The following MILR1 variants were observed in gnomAD, a reference collection of about 807,000 sequenced individuals.
MILR1 encodes the protein mast cell immunoglobulin like receptor 1, also known as allergin-1.
In MILR1, 31 loss-of-function variants were observed where a neutral mutation model predicts 18.5. The ratio of observed to expected loss-of-function variants is 1.68; its 90% CI spans 1.26 to 2.26. The LOEUF (loss-of-function observed/expected upper bound fraction) is 2.26. Ranked by LOEUF, MILR1 falls within the 30% of genes most tolerant of loss-of-function variation. The pLI, the probability that MILR1 is intolerant of heterozygous loss-of-function variation, is 0.00. For synonymous variants in MILR1, 85 were observed against 56.2 expected (o/e 1.51, Z -2.30); for missense variants, 257 against 157.4 (o/e 1.63, Z -3.38).
the MILR1 span, chr17:64,496,375 C>T: frequency 7.6e-6 from 11 of 1,441,846 alleles, no homozygotes; most frequent in Non-Finnish European, 1.0e-5. Flanking sequence ...CCACCCGACA[C>T]CTGTTTTGAA....
chr17:64,495,177 CA>C, the MILR1 span, among the ~76,000 whole-genome samples: 29 of 119,288 alleles, frequency 2.4e-4, no homozygotes, highest in Non-Finnish European at 2.3e-4. Context: ...GACTCTGTCT[CA>C]AAAAAAAAAA....
In MILR1 at chr17:64,465,484, C is replaced by T. The variant is rs547973313; in HGVS notation, c.796C>T (p.Arg266Cys). The change falls in exon 6 of 10, where the codon CGT becomes TGT. Residue 266 changes from arginine (R) to cysteine (C), a missense_variant. By Grantham distance (180) the Arg-to-Cys change is radical. Transcript: ENST00000619286. ...KAMRNNVPRD[R>C]GDTAMEVGIY... ...TATGAGAAATAATGTGCCCAGGGACCGTGGAGACACAGCCATGGAAGTTGG... is the reference window on the plus strand; with the variant it reads ...TATGAGAAATAATGTGCCCAGGGACTGTGGAGACACAGCCATGGAAGTTGG... 3.4e-5 allele frequency: 55 copies of T among 1,610,532 alleles called. No individual in the cohort carries two copies. In the South Asian group the frequency reaches 3.6e-4, roughly 10 times the overall value.
chr17:64,480,385 C>A, the MILR1 span: 1 of 1,512,786 alleles, frequency 6.6e-7, no homozygotes, highest in Non-Finnish European at 9.2e-7. Context: ...TAGCCCTTGA[C>A]AAACCTAGAA....
At chr17:64,483,000 C>G in the MILR1 span, 11 of 1,566,422 alleles carry the variant, frequency 7.0e-6, no homozygotes, top group Non-Finnish European at 9.7e-6. Flanking sequence ...GTTTAAGTAC[C>G]TAAGGCAATT....
chr17:64,465,634 A>C (rs375192265), intron 6 of MILR1, 93 bp downstream of exon 6: 4 of 1,322,650 alleles, frequency 3.0e-6, no homozygotes, highest in Non-Finnish European at 3.2e-6. Flanking sequence ...TGGGGGGTGG[A>C]GCAAAAGGGA....
At chr17:64,465,672 T>A (rs1417337994) in intron 6 of MILR1, 131 bp downstream of exon 6, 5 of 853,404 alleles carry the variant, frequency 5.9e-6, no homozygotes, top group Non-Finnish European at 9.1e-6. Context: ...TGATGCCCAG[T>A]CCCACTTTCT....
chr17:64,496,389 T>G, the MILR1 span: 2 of 1,526,160 alleles, frequency 1.3e-6, no homozygotes, highest in South Asian at 2.4e-5. Flanking sequence ...TTTTGAAGCA[T>G]GAAATCGTGA....
chr17:64,466,349 TG>T, intron 6 of MILR1, 92 bp from the exon 7 acceptor site: 2 of 1,036,498 alleles, frequency 1.9e-6, no homozygotes, highest in Non-Finnish European at 3.0e-6. Context: ...CCAGCCTACA[TG>T]GCCACATTCC....
At chr17:64,453,391 C>T (rs939468801) in intron 3 of MILR1, among the ~76,000 whole-genome samples, 12 of 151,912 alleles carry the variant, frequency 7.9e-5, no homozygotes, top group African/African-American at 2.2e-4. Context: ...TTAATCATTC[C>T]GTTTCACCTT....
At chr17:64,467,935 C>CAAAAAAAAAAAAAAAAAA in intron 9 of MILR1, 1 of 153,148 alleles carries the variant, frequency 6.5e-6, no homozygotes, top group South Asian at 5.5e-5. Context: ...GACTTCATCT[C>CAAAAAAAAAAAAAAAAAA]AAAAAAAAAA....
At chr17:64,483,145 C>G in the MILR1 span, 2 of 569,274 alleles carry the variant, frequency 3.5e-6, no homozygotes, top group Non-Finnish European at 3.2e-6. Context: ...CAGAAGTTAG[C>G]TGAGGTCATA....
chr17:64,449,616 T>C (rs1328019522), intron 2 of MILR1, among the ~76,000 whole-genome samples: 1 of 152,156 alleles, frequency 6.6e-6, no homozygotes, highest in Non-Finnish European at 1.5e-5. Flanking sequence ...TATTGTTGTT[T>C]TATGGTTGTT....
the MILR1 span, chr17:64,487,431 T>TTTTTAGTAGA: frequency 6.6e-6 from 1 of 151,960 alleles, no homozygotes; most frequent in Non-Finnish European, 1.5e-5. Flanking sequence ...CTGGCCAACA[T>TTTTTAGTAGA]GGTAAAACCC....
rs781802685 is a variant in MILR1 at position 64,466,673 on chromosome 17, G to C, written c.979+11G>C. 1.1e-5 allele frequency: 18 copies of C among 1,598,244 alleles called. No homozygotes were observed. The highest frequency in any genetic ancestry group is 1.5e-5 in the Non-Finnish European group (18 of 1,172,304). On this transcript the variant is annotated intron_variant, in intron 8 of 9. Coordinates refer to ENST00000619286, the MANE Select transcript of MILR1 (RefSeq NM_001085423.2). The stretch of plus-strand genomic sequence containing the variant: ...CACCAAGAGAGCAAGGTGAGCCACA[G>C]GTTGGGATAAGAGGTACTGGTGAAA...
At chr17:64,454,722 G>A (rs1438576177) in intron 3 of MILR1, among the ~76,000 whole-genome samples, 1 of 152,166 alleles carries the variant, frequency 6.6e-6, no homozygotes, top group Non-Finnish European at 1.5e-5. Context: ...GGCCAGGTGC[G>A]CTGTCTCACA....
chr17:64,451,769 C>T (rs1003996927), intron 2 of MILR1, among the ~76,000 whole-genome samples: 5 of 151,730 alleles, frequency 3.3e-5, no homozygotes, highest in African/African-American at 4.8e-5. Flanking sequence ...CCTGTCTCTA[C>T]CAAAACTACA....
At chr17:64,454,764 C>G (rs929028435) in intron 3 of MILR1, among the ~76,000 whole-genome samples, 1 of 152,014 alleles carries the variant, frequency 6.6e-6, no homozygotes, top group Non-Finnish European at 1.5e-5. Flanking sequence ...GAGGCTGAGG[C>G]GGGAGGATCA....
chr17:64,460,708 G>T (rs2037411909), intron 4 of MILR1, 114 bp from the exon 5 acceptor site: 2 of 425,074 alleles, frequency 4.7e-6, no homozygotes, highest in Admixed American at 7.2e-5. Flanking sequence ...GGGAACCTGG[G>T]TGCATAGTAC....
intron 5 of MILR1, among the ~76,000 whole-genome samples, chr17:64,463,144 A>G (rs1205656175): frequency 1.3e-5 from 2 of 152,108 alleles, no homozygotes; most frequent in African/African-American, 4.8e-5. Flanking sequence ...AAACTTGTCA[A>G]TGTTATTAGA....
Sources: gnomAD v4.1 joint callset for allele counts (sites outside exome capture counted in the v4.1 genomes callset) on GRCh38, gnomAD v4.1.1 for gene constraint, MANE v1.5 for transcripts, NCBI Gene and HGNC (gene_info 2026-07-23, HGNC 2026-07-21) for gene names.